Variants in SREBF1 observed in about 807,000 individuals in gnomAD.
SREBF1 encodes sterol regulatory element binding transcription factor 1.
A neutral mutation model predicts 100.1 loss-of-function variants in SREBF1; 45 were observed. That is an observed-to-expected ratio of 0.45 (90% CI 0.35 to 0.58). SREBF1 has a LOEUF of 0.58. Ranked by LOEUF, SREBF1 falls within the 20% of genes least tolerant of loss-of-function variation. The probability of loss-of-function intolerance (pLI) is 0.00; values close to 1 mark genes in which losing one functional copy is unlikely to be tolerated. For synonymous variants in SREBF1, 657 were observed against 681.8 expected (o/e 0.96, Z 0.57); for missense variants, 1,324 against 1,539.4 (o/e 0.86, Z 2.34).
chr17:17,836,037 T>C (rs1320197883), intron 1 of SREBF1, among the ~76,000 whole-genome samples: 1 of 152,228 alleles, frequency 6.6e-6, no homozygotes, highest in Non-Finnish European at 1.5e-5. Flanking sequence ...GCCACATCCC[T>C]GCCCTCCCCC....
intron 5 of SREBF1, 131 bp from the exon 6 acceptor site, chr17:17,818,505 T>C: frequency 1.4e-6 from 1 of 703,416 alleles, no homozygotes; most frequent in Non-Finnish European, 2.6e-6. Context: ...TTGCACTTGT[T>C]CCTTCTACCT....
chr17:17,812,147 C>CAA lies in SREBF1; in HGVS notation c.*473_*474dup. Reference sequence around the variant, plus strand: ...CTATGAAAATAAAGTTTGCAAAAGGCAAAGTAGCACAGGAGCCTCAGGTCA... The same window carrying CAA: ...CTATGAAAATAAAGTTTGCAAAAGGCAAAAAGTAGCACAGGAGCCTCAGGTCA... On this transcript the variant is annotated 3_prime_UTR_variant, in exon 19 of 19. Transcript: ENST00000261646. 2.1e-5 allele frequency: 9 copies of CAA among 429,156 alleles called. No individual in the cohort carries two copies. Among genetic ancestry groups the CAA allele is most frequent in the Middle Eastern group, 4.1e-4 (1 of 2,458 alleles). 26.6% of individuals were successfully genotyped at this position (429,156 alleles called of 1,614,324 possible). A position where few individuals can be genotyped will look rare whatever the true frequency, so the allele number is the denominator to read the frequency against.
chr17:17,833,178 C>A (rs1172212510), intron 1 of SREBF1, among the ~76,000 whole-genome samples: 1 of 150,866 alleles, frequency 6.6e-6, no homozygotes, highest in African/African-American at 2.4e-5. Context: ...AATTCCAGAA[C>A]GTTGGGAGGC....
intron 1 of SREBF1, chr17:17,823,434 G>A (rs2034244182): frequency 9.7e-7 from 1 of 1,032,426 alleles, no homozygotes; most frequent in Non-Finnish European, 1.5e-6. Context: ...AAGTTGCGTA[G>A]CCCGCATGCC....
rs1260422115 is a variant in SREBF1, at chr17:17,820,332, G to A, written c.281C>T (p.Pro94Leu). The change falls in exon 2 of 19, where the codon CCC becomes CTC. Residue 94 changes from proline to leucine, a missense_variant. Physicochemically the swap from Pro to Leu is moderately conservative, Grantham distance 98. Coordinates refer to ENST00000261646, the MANE Select transcript of SREBF1 (RefSeq NM_004176.5). ...AGGCTGGGGAGGGGACAGGGGTGAGGGCGCTGCCTGCGGCCCGCTCAGGAA... is the reference window on the plus strand; with the variant it reads ...AGGCTGGGGAGGGGACAGGGGTGAGAGCGCTGCCTGCGGCCCGCTCAGGAA... The part of the protein sequence containing the change: ...EAFLSGPQAA[P>L]SPLSPPQPAP... 1.9e-6 allele frequency: 3 copies of A among 1,613,362 alleles called. No homozygotes were observed. Among genetic ancestry groups the A allele is most frequent in the Non-Finnish European group, 2.5e-6 (3 of 1,179,700 alleles).
chr17:17,820,963 A>C lies in SREBF1; in HGVS notation c.92-442T>G. On this transcript the variant is annotated intron_variant, in intron 1 of 18. Transcript: ENST00000261646. ...TCACTCATCCAGTGAGCATGTGCTG[A>C]GTGCTGAGTGCCCACACTATGCCAG... is the stretch of plus-strand genomic sequence containing the variant. The C allele has an allele frequency of 8.1e-6, 2 of 245,476 alleles. 1 individual carries two copies. The highest frequency in any genetic ancestry group is 9.9e-5 in the South Asian group (2 of 20,126). The allele number at this position is 245,476 out of a possible 1,614,324, so 15.2% of individuals were successfully genotyped here.
chr17:17,835,322 C>A (rs1056483831), intron 1 of SREBF1, among the ~76,000 whole-genome samples: 19 of 152,136 alleles, frequency 1.2e-4, no homozygotes, highest in Non-Finnish European at 1.9e-4. Context: ...TGAAGGACAA[C>A]CCCTCGTGCC....
chr17:17,814,142 C>T, intron 16 of SREBF1, 103 bp downstream of exon 16: 1 of 1,358,738 alleles, frequency 7.4e-7, no homozygotes, highest in Middle Eastern at 2.3e-4. Context: ...GCTGCTTGGG[C>T]TAACCCCATG....
intron 13 of SREBF1, 59 bp downstream of exon 13, chr17:17,815,162 G>A: frequency 6.6e-7 from 1 of 1,507,316 alleles, no homozygotes; most frequent in Middle Eastern, 1.7e-4. Flanking sequence ...TGAGGCCAGA[G>A]CTATTCTCAG....
intron 1 of SREBF1, among the ~76,000 whole-genome samples, chr17:17,828,291 GCT>G (rs1259255674): frequency 6.6e-6 from 1 of 152,116 alleles, no homozygotes; most frequent in Non-Finnish European, 1.5e-5. Context: ...ATCAAAACTT[GCT>G]CTGATGCCAC....
intron 1 of SREBF1, among the ~76,000 whole-genome samples, chr17:17,832,848 G>T (rs1288347353): frequency 6.6e-6 from 1 of 151,992 alleles, no homozygotes; most frequent in East Asian, 1.9e-4. Context: ...GTGAACCCGG[G>T]AGGCGGAGTT....
At chr17:17,813,883 C>G in intron 16 of SREBF1, 114 bp from the exon 17 acceptor site, 2 of 1,108,210 alleles carry the variant, frequency 1.8e-6, no homozygotes, top group Non-Finnish European at 2.6e-6. Flanking sequence ...GCACTGCACC[C>G]GCCTCACACA....
chr17:17,827,177 G>A (rs2143039542), intron 1 of SREBF1, among the ~76,000 whole-genome samples: 1 of 152,352 alleles, frequency 6.6e-6, no homozygotes, highest in Admixed American at 6.5e-5. Flanking sequence ...GTGAGGGGGT[G>A]GAGGCCAGGA....
chr17:17,816,294 G>A lies in SREBF1; in HGVS notation c.2127C>T (p.Ala709=), dbSNP rs533411970. Residue 709 remains alanine (A), a synonymous_variant, in exon 11 of 19, where the codon GCC becomes GCT. Transcript: ENST00000261646. ...ALNLAECAGD[A]VSVATLAEIY... is the part of the protein sequence containing the mutation. ...TCTCGGCCAGCGTCGCCACAGACAC[G>A]GCATCCCCTGCACACTCTGCCAGGT... The A allele has an allele frequency of 2.0e-5, 31 of 1,530,762 alleles. No homozygotes were observed. In the East Asian group the frequency reaches 4.1e-4, roughly 20 times the overall value. 94.8% of individuals were successfully genotyped at this position (1,530,762 alleles called of 1,614,324 possible). A position where few individuals can be genotyped will look rare whatever the true frequency, so the allele number is the denominator to read the frequency against.
intron 1 of SREBF1, among the ~76,000 whole-genome samples, chr17:17,827,293 T>G (rs2034550380): frequency 6.6e-6 from 1 of 152,198 alleles, no homozygotes; most frequent in Non-Finnish European, 1.5e-5. Context: ...AATTGATCCC[T>G]GCACTACAGA....
Position 17,820,441 on chromosome 17 carries a change from C to T in SREBF1, c.172G>A (p.Gly58Ser). 1 of 1,613,936 alleles carries T rather than the reference C, an allele frequency of 6.2e-7. No homozygotes were observed. Among genetic ancestry groups the T allele is most frequent in the South Asian group, 1.1e-5 (1 of 91,068 alleles). Residue 58 changes from glycine (G) to serine (S), a missense_variant, in exon 2 of 19, where the codon GGC becomes AGC. Transcript: ENST00000261646. ...GTATCGGGGCTGGCAGGGTCTGTGC[C>T]CCCTGCCCCACTCCCAGCATAGGGT... ...DPPYAGSGAG[G>S]TDPASPDTSS...
rs550724603 is a variant in SREBF1 at position 17,818,441 on chromosome 17, G to A, written c.1069-67C>T. 7 of 1,218,768 alleles carry A rather than the reference G, an allele frequency of 5.7e-6. No homozygotes were observed. In the African/African-American group the frequency reaches 8.9e-5, roughly 16 times the overall value. The allele number at this position is 1,218,768 out of a possible 1,614,324, so 75.5% of individuals were successfully genotyped here. ...TCAGGTCGGGGGTTGTGGGGTTGGA[G>A]AGCCCTAGCAAGGGGGTGCGGAGCT... On this transcript the variant is annotated intron_variant, in intron 5 of 18. Coordinates refer to ENST00000261646, the MANE Select transcript of SREBF1 (RefSeq NM_004176.5).
At position 17,819,737 on chromosome 17, in the gene SREBF1, A is replaced by C; in HGVS notation, c.524-12T>G. Reference sequence around the variant, plus strand: ...CCCGGGAGGGCTTCCTGCAGAAATAAAGCATGGGGCTGCAGACACAGACCT... The same window carrying C: ...CCCGGGAGGGCTTCCTGCAGAAATACAGCATGGGGCTGCAGACACAGACCT... On this transcript the variant is annotated splice_polypyrimidine_tract_variant and intron_variant, in intron 2 of 18. Transcript: ENST00000261646. 4 of 1,591,088 alleles carry C rather than the reference A, an allele frequency of 2.5e-6. No individual in the cohort carries two copies. The highest frequency in any genetic ancestry group is 3.4e-6 in the Non-Finnish European group (4 of 1,173,406).
At position 17,829,142 on chromosome 17, in the gene SREBF1, G is replaced by A. The variant is rs187824343; in HGVS notation, c.91+7585C>T. On this transcript the variant is annotated intron_variant, in intron 1 of 18. Coordinates refer to ENST00000261646, the MANE Select transcript of SREBF1 (RefSeq NM_004176.5). Reference sequence around the variant, plus strand: ...CAGGAGGCGGAGGTTGCAGTGAGCCGAGATTGTACCACTGCACTCCAGCCT... The same window carrying A: ...CAGGAGGCGGAGGTTGCAGTGAGCCAAGATTGTACCACTGCACTCCAGCCT... 4.4e-3 allele frequency among the ~76,000 whole-genome samples: 647 copies of A among 146,072 alleles called. 7 individuals are homozygous for A. The highest frequency in any genetic ancestry group is 0.015 in the African/African-American group (583 of 38,530).
Sources: gnomAD v4.1 joint callset for allele counts (sites outside exome capture counted in the v4.1 genomes callset) on GRCh38, gnomAD v4.1.1 for gene constraint, MANE v1.5 for transcripts, NCBI Gene and HGNC (gene_info 2026-07-23, HGNC 2026-07-21) for gene names.